MSRB3: variants seen among roughly 807,000 people sequenced by gnomAD.
MSRB3 encodes the protein methionine sulfoxide reductase B3.
MSRB3 carries 13 observed loss-of-function variants against 21.0 expected under a neutral mutation model. That is an observed-to-expected ratio of 0.62 (90% CI 0.40 to 0.98). The LOEUF is 0.98. MSRB3 is among the 50% of genes least tolerant of loss of function. MSRB3 has a pLI of 0.00. For synonymous variants in MSRB3, 87 were observed against 88.6 expected, an observed-to-expected ratio of 0.98 and a Z score of 0.10; for missense variants, 199 against 230.3, an observed-to-expected ratio of 0.86 and a Z score of 0.88.
chr12:65,441,177 G>A (rs1208725257), intron 5 of MSRB3, among the ~76,000 whole-genome samples: 1 of 151,864 alleles, frequency 6.6e-6, no homozygotes, highest in African/African-American at 2.4e-5. Context: ...TTTTAAGCTT[G>A]TCAGTGGTCA....
chr12:65,372,902 A>C (rs932525221), intron 5 of MSRB3, among the ~76,000 whole-genome samples: 1 of 152,250 alleles, frequency 6.6e-6, no homozygotes, highest in Non-Finnish European at 1.5e-5. Flanking sequence ...GGATTGAAGT[A>C]TAAACTTTGC....
chr12:65,390,427 C>T (rs1879415145), intron 5 of MSRB3, among the ~76,000 whole-genome samples: 1 of 151,942 alleles, frequency 6.6e-6, no homozygotes, highest in African/African-American at 2.4e-5. Context: ...TACTAAAGGC[C>T]AATAAGCATT....
chr12:65,403,267 C>G lies in MSRB3; in HGVS notation c.292+34241C>G, dbSNP rs371022840. 5.9e-5 allele frequency among the ~76,000 whole-genome samples: 9 copies of G among 152,360 alleles called. No homozygotes were observed. In the East Asian group the frequency reaches 1.7e-3, roughly 29 times the overall value. On this transcript the variant is annotated intron_variant, in intron 5 of 6. Transcript: ENST00000308259. The stretch of plus-strand genomic sequence containing the variant: ...GGCAGTTTTATCTGTAAGCCCATGA[C>G]TGGGGCTGCTGCCTTTCTTTCAGAG...
At chr12:65,428,600 G>A (rs1232497930) in intron 5 of MSRB3, among the ~76,000 whole-genome samples, 4 of 152,080 alleles carry the variant, frequency 2.6e-5, no homozygotes, top group African/African-American at 4.8e-5. Context: ...TTACAAACAG[G>A]AGTACGACAT....
At chr12:65,401,094 G>A (rs1479001880) in intron 5 of MSRB3, among the ~76,000 whole-genome samples, 1 of 152,160 alleles carries the variant, frequency 6.6e-6, no homozygotes, top group African/African-American at 2.4e-5. Context: ...CTGTTGATTT[G>A]GGGTGGAGAG....
intron 5 of MSRB3, among the ~76,000 whole-genome samples, chr12:65,437,891 C>T (rs1032954540): frequency 6.6e-6 from 1 of 151,788 alleles, no homozygotes; most frequent in African/African-American, 2.4e-5. Flanking sequence ...TGAAGTGCTC[C>T]CTTTTTCACT....
chr12:65,372,878 A>G (rs1878400975), intron 5 of MSRB3, among the ~76,000 whole-genome samples: 1 of 152,252 alleles, frequency 6.6e-6, no homozygotes, highest in East Asian at 1.9e-4. Context: ...GAGGATCACA[A>G]GTTAACATGC....
At chr12:65,316,748 G>A (rs965693288) in intron 2 of MSRB3, among the ~76,000 whole-genome samples, 1 of 152,088 alleles carries the variant, frequency 6.6e-6, no homozygotes, top group Non-Finnish European at 1.5e-5. Flanking sequence ...AAGGTTTGAC[G>A]ATTCTATATG....
chr12:65,392,432 A>G (rs188973444), intron 5 of MSRB3, among the ~76,000 whole-genome samples: 82 of 152,342 alleles, frequency 5.4e-4, no homozygotes, highest in East Asian at 9.6e-4. Context: ...GAATGAGTGG[A>G]TTTAACTAGC....
intron 2 of MSRB3, among the ~76,000 whole-genome samples, chr12:65,316,954 G>A (rs1434696743): frequency 6.6e-6 from 1 of 152,006 alleles, no homozygotes; most frequent in Non-Finnish European, 1.5e-5. Context: ...AGAAGATGGG[G>A]GTAGGGGTGG....
chr12:65,325,506 C>G (rs1310511243), intron 2 of MSRB3, among the ~76,000 whole-genome samples: 1 of 152,088 alleles, frequency 6.6e-6, no homozygotes, highest in African/African-American at 2.4e-5. Flanking sequence ...ACCGCTCTAT[C>G]TTGGTGGCCC....
chr12:65,418,908 A>G (rs10878275), intron 5 of MSRB3: 403,105 of 727,680 alleles, frequency 0.55, 115,201 homozygotes, highest in Non-Finnish European at 0.62. Flanking sequence ...GCTTGACCTT[A>G]ATGTTCAGCA....
At chr12:65,302,967 G>A (rs548830147) in intron 1 of MSRB3, among the ~76,000 whole-genome samples, 2 of 152,104 alleles carry the variant, frequency 1.3e-5, no homozygotes, top group South Asian at 4.1e-4. Flanking sequence ...CTTAGTTGTT[G>A]GTGTCAACAT....
chr12:65,409,285 G>A (rs1212904771), intron 5 of MSRB3, among the ~76,000 whole-genome samples: 1 of 151,936 alleles, frequency 6.6e-6, no homozygotes, highest in African/African-American at 2.4e-5. Flanking sequence ...TTGTCATTGT[G>A]CAAACATCAT....
At chr12:65,442,922 G>A (rs1323855129) in intron 5 of MSRB3, among the ~76,000 whole-genome samples, 1 of 152,026 alleles carries the variant, frequency 6.6e-6, no homozygotes, top group Non-Finnish European at 1.5e-5. Flanking sequence ...CAGTGTTCAG[G>A]CCAGGGAAAA....
At chr12:65,357,502 T>C (rs998268511) in intron 4 of MSRB3, among the ~76,000 whole-genome samples, 3 of 152,068 alleles carry the variant, frequency 2.0e-5, no homozygotes, top group African/African-American at 7.2e-5. Context: ...ATATTTGTTA[T>C]AATTATAAAT....
At chr12:65,451,137 G>A (rs532984329) in intron 5 of MSRB3, among the ~76,000 whole-genome samples, 22 of 152,114 alleles carry the variant, frequency 1.4e-4, no homozygotes, top group Non-Finnish European at 1.6e-4. Flanking sequence ...GTGGTTTTTC[G>A]TGTCCATCTC....
chr12:65,354,742 G>A lies in MSRB3; in HGVS notation c.264-14256G>A, dbSNP rs186513226. 1.6e-3 allele frequency among the ~76,000 whole-genome samples: 243 copies of A among 151,982 alleles called. 1 individual carries two copies. The highest frequency in any genetic ancestry group is 5.2e-3 in the African/African-American group (214 of 41,484). ...ATGCTGCAGAGACTCACAAGAATAAGAACCAGTCATTTGAGTTGGCAATAT... is the reference window on the plus strand; with the variant it reads ...ATGCTGCAGAGACTCACAAGAATAAAAACCAGTCATTTGAGTTGGCAATAT... On this transcript the variant is annotated intron_variant, in intron 4 of 6. Coordinates refer to ENST00000308259, the MANE Select transcript of MSRB3 (RefSeq NM_001031679.3).
chr12:65,383,174 A>T (rs1183411687), intron 5 of MSRB3, among the ~76,000 whole-genome samples: 1 of 152,210 alleles, frequency 6.6e-6, no homozygotes, highest in Non-Finnish European at 1.5e-5. Context: ...ATGTGATTTC[A>T]TGAATTTGTA....
Sources: gnomAD v4.1 joint callset for allele counts (sites outside exome capture counted in the v4.1 genomes callset) on GRCh38, gnomAD v4.1.1 for gene constraint, MANE v1.5 for transcripts, NCBI Gene and HGNC (gene_info 2026-07-23, HGNC 2026-07-21) for gene names.